Variants in CTNNA3 observed in about 807,000 individuals in gnomAD.
CTNNA3 encodes the protein catenin alpha 3.
CTNNA3 carries 76 observed loss-of-function variants against 95.7 expected under a neutral mutation model. The observed-to-expected ratio is 0.79, with a 90% CI of 0.66 to 0.96. CTNNA3 has a LOEUF of 0.96. Ranked by LOEUF, CTNNA3 falls within the 40% of genes least tolerant of loss-of-function variation. The probability of loss-of-function intolerance (pLI) is 0.00; values close to 1 mark genes in which losing one functional copy is unlikely to be tolerated. For synonymous variants in CTNNA3, 431 were observed against 374.4 expected (o/e 1.15, Z -1.74); for missense variants, 1,191 against 1,089.8 (o/e 1.09, Z -1.31).
chr10:67,205,723 T>C (rs1863866548), intron 6 of CTNNA3, among the ~76,000 whole-genome samples: 1 of 152,096 alleles, frequency 6.6e-6, no homozygotes, highest in African/African-American at 2.4e-5. Context: ...CACCAAAAAA[T>C]GGTTTAAAAT....
At chr10:66,844,953 G>A (rs527253365) in intron 7 of CTNNA3, among the ~76,000 whole-genome samples, 4 of 152,214 alleles carry the variant, frequency 2.6e-5, no homozygotes, top group African/African-American at 9.6e-5. Context: ...GGTATAGAAA[G>A]GGGTGGAATG....
chr10:67,018,265 C>T (rs1442122540), intron 7 of CTNNA3, among the ~76,000 whole-genome samples: 1 of 152,092 alleles, frequency 6.6e-6, no homozygotes, highest in East Asian at 1.9e-4. Context: ...AGGCCAACTA[C>T]AGCAAATGTC....
intron 17 of CTNNA3, among the ~76,000 whole-genome samples, chr10:65,943,350 T>C (rs1313428254): frequency 2.0e-5 from 3 of 152,192 alleles, no homozygotes; most frequent in Non-Finnish European, 4.4e-5. Flanking sequence ...GTTTTTAATA[T>C]GCATTGTGAT....
intron 7 of CTNNA3, among the ~76,000 whole-genome samples, chr10:66,829,655 T>C (rs994576880): frequency 1.3e-5 from 2 of 148,434 alleles, no homozygotes; most frequent in Non-Finnish European, 3.0e-5. Context: ...TTCTCAAATA[T>C]ATTTTACCTC....
At chr10:67,663,921 G>A (rs1345118268) in intron 1 of CTNNA3, among the ~76,000 whole-genome samples, 2 of 152,130 alleles carry the variant, frequency 1.3e-5, no homozygotes, top group Admixed American at 6.6e-5. Context: ...GGTGTCCTGC[G>A]AGTATGTGAA....
chr10:67,603,099 G>C (rs1235190886), intron 3 of CTNNA3, among the ~76,000 whole-genome samples: 2 of 152,164 alleles, frequency 1.3e-5, no homozygotes, highest in Admixed American at 6.5e-5. Context: ...GGGGTGGTTA[G>C]TGTCATGAAC....
rs3980751 is a variant in CTNNA3 at position 66,389,724 on chromosome 10, GGAGAGAGAGAGAGA to G, written c.1532-10386_1532-10373del. 6.2e-5 allele frequency among the ~76,000 whole-genome samples: 9 copies of G among 145,522 alleles called. No homozygotes were observed. The Middle Eastern group carries it at 0.014, about 229-fold the overall frequency. Reference sequence around the variant, plus strand: ...TTCAGTTTCATTCATATATATATATGGAGAGAGAGAGAGAGAGAGAGAGAGAGAGAGAGAGATAA... The same window carrying G: ...TTCAGTTTCATTCATATATATATATGGAGAGAGAGAGAGAGAGAGAGATAA... On this transcript the variant is annotated intron_variant, in intron 11 of 17. Coordinates refer to ENST00000433211, the MANE Select transcript of CTNNA3 (RefSeq NM_013266.4).
At chr10:67,433,666 T>C (rs1386330133) in intron 5 of CTNNA3, among the ~76,000 whole-genome samples, 6 of 152,014 alleles carry the variant, frequency 3.9e-5, no homozygotes, top group Non-Finnish European at 8.8e-5. Flanking sequence ...CAAATTAATA[T>C]GTATGAAAAT....
chr10:67,439,708 T>C (rs935361838), intron 5 of CTNNA3, among the ~76,000 whole-genome samples: 21 of 152,128 alleles, frequency 1.4e-4, no homozygotes, highest in Non-Finnish European at 2.2e-4. Flanking sequence ...CTGGGCAACA[T>C]TTCTCAACAC....
chr10:66,520,127 C>G (rs548069612), intron 11 of CTNNA3, among the ~76,000 whole-genome samples: 24 of 151,546 alleles, frequency 1.6e-4, no homozygotes, highest in Non-Finnish European at 3.2e-4. Flanking sequence ...GCTCATAATC[C>G]CAGAGTAGAC....
At chr10:67,726,605 T>TTATAAAATATATAATATATATTATATTA (rs1841227845) in intron 1 of CTNNA3, among the ~76,000 whole-genome samples, 1 of 26,986 alleles carries the variant, frequency 3.7e-5, no homozygotes, top group African/African-American at 1.4e-4. Flanking sequence ...ATATTACATA[T>TTATAAAATATATAATATATATTATATTA]TATATAATAT....
Position 66,318,276 on chromosome 10 carries a change from A to ATG in CTNNA3, c.1733-37657_1733-37656dup, listed in dbSNP as rs138734509. 6.6e-3 allele frequency among the ~76,000 whole-genome samples: 905 copies of ATG among 136,646 alleles called. 9 individuals carry two copies. Among genetic ancestry groups the ATG allele is most frequent in the Non-Finnish European group, 8.3e-3 (523 of 63,368 alleles). The allele number at this position is 136,646 out of a possible 152,430, so 89.6% of individuals were successfully genotyped here. On this transcript the variant is annotated intron_variant, in intron 12 of 17. Transcript: ENST00000433211. ...GTTGCTGGGAGATATATATATATAT[A>ATG]TGTGTGTGTGTGTGTGTGTGTGTGT...
chr10:66,701,448 G>A (rs746667318), intron 9 of CTNNA3, among the ~76,000 whole-genome samples: 9 of 152,144 alleles, frequency 5.9e-5, no homozygotes, highest in Non-Finnish European at 1.3e-4. Context: ...GAGGAGAAGA[G>A]AAGACCACTT....
intron 9 of CTNNA3, among the ~76,000 whole-genome samples, chr10:66,713,214 A>C (rs1848349553): frequency 6.6e-6 from 1 of 152,032 alleles, no homozygotes; most frequent in African/African-American, 2.4e-5. Context: ...ATGAGTTCCA[A>C]AATCTTTTCA....
At chr10:65,987,174 A>G (rs10996810) in intron 16 of CTNNA3, among the ~76,000 whole-genome samples, 40,274 of 151,950 alleles carry the variant, frequency 0.27, 5,867 homozygotes, top group Non-Finnish European at 0.33. Flanking sequence ...CACAGGCAAC[A>G]AAAGCAAAAA....
chr10:67,180,042 C>T (rs1386344391), intron 7 of CTNNA3, among the ~76,000 whole-genome samples: 1 of 152,040 alleles, frequency 6.6e-6, no homozygotes, highest in Non-Finnish European at 1.5e-5. Flanking sequence ...TTCCTTTCTC[C>T]AATCCTGATT....
chr10:67,091,911 A>T (rs1177662866), intron 7 of CTNNA3, among the ~76,000 whole-genome samples: 1 of 152,092 alleles, frequency 6.6e-6, no homozygotes, highest in Non-Finnish European at 1.5e-5. Context: ...TTAAAGACAA[A>T]TTAGAGAAAT....
At chr10:66,746,775 T>G (rs985889503) in intron 9 of CTNNA3, among the ~76,000 whole-genome samples, 1 of 152,118 alleles carries the variant, frequency 6.6e-6, no homozygotes, top group Non-Finnish European at 1.5e-5. Flanking sequence ...GCACAACTAT[T>G]TTTCTCCCAA....
At chr10:67,384,543 A>C (rs59565370) in intron 5 of CTNNA3, among the ~76,000 whole-genome samples, 27,088 of 152,088 alleles carry the variant, frequency 0.18, 3,451 homozygotes, top group African/African-American at 0.34. Flanking sequence ...TTACACACAC[A>C]CCACCCACTA....
Sources: allele counts gnomAD v4.1 joint callset (sites outside exome capture counted in the v4.1 genomes callset), GRCh38; gene constraint gnomAD v4.1.1; transcripts MANE v1.5; gene names NCBI Gene and HGNC (gene_info 2026-07-23, HGNC 2026-07-21).